Variants in GPC5 observed in about 807,000 individuals in gnomAD.
The protein encoded by GPC5 is glypican-5.
In GPC5, 47 loss-of-function variants were observed where a neutral mutation model predicts 53.9. That is an observed-to-expected ratio of 0.87 (90% confidence interval 0.69 to 1.11). GPC5 has a LOEUF of 1.11. Among genes scored for constraint, GPC5 ranks in the 50% most tolerant of loss-of-function variants. GPC5 has a pLI of 0.00. For synonymous variants in GPC5, 286 were observed against 263.3 expected (o/e 1.09, Z -0.84); for missense variants, 748 against 713.1 (o/e 1.05, Z -0.56).
intron 7 of GPC5, among the ~76,000 whole-genome samples, chr13:92,646,512 A>C (rs980249742): frequency 1.3e-5 from 2 of 152,146 alleles, no homozygotes; most frequent in African/African-American, 4.8e-5. Context: ...TTGCATTTTC[A>C]TATAAGTTTT....
At chr13:91,689,695 C>A (rs1281023945) in intron 2 of GPC5, among the ~76,000 whole-genome samples, 1 of 151,766 alleles carries the variant, frequency 6.6e-6, no homozygotes, top group Non-Finnish European at 1.5e-5. Context: ...TAGGCCTACA[C>A]AGGGTCAGGA....
intron 7 of GPC5, among the ~76,000 whole-genome samples, chr13:92,845,566 T>C (rs1878585457): frequency 6.6e-6 from 1 of 152,170 alleles, no homozygotes; most frequent in Admixed American, 6.5e-5. Flanking sequence ...CCTACACTAG[T>C]GAGTGCAATC....
chr13:92,115,809 C>G (rs977512207), intron 6 of GPC5, among the ~76,000 whole-genome samples: 1 of 152,078 alleles, frequency 6.6e-6, no homozygotes, highest in South Asian at 2.1e-4. Context: ...GGTGCACCCC[C>G]CACCCCCACC....
In GPC5 at chr13:91,851,840, TTA is replaced by T. The variant is rs1366618843; in HGVS notation, c.1281-56095_1281-56094del. 5.6e-5 allele frequency among the ~76,000 whole-genome samples: 8 copies of T among 141,790 alleles called. 2 individuals are homozygous for T. The highest frequency in any genetic ancestry group is 2.2e-4 in the African/African-American group (8 of 36,720). The allele number at this position is 141,790 out of a possible 152,430, so 93.0% of individuals were successfully genotyped here. A position where few individuals can be genotyped will look rare whatever the true frequency, so the allele number is the denominator to read the frequency against. ...ACAAAGGACATGAAGTCATCCTTTT[TTA>T]TGTCTGCATAGTATTCCATGGTGTA... On this transcript the variant is annotated intron_variant, in intron 5 of 7. Transcript: ENST00000377067.
At chr13:92,736,956 G>A (rs1227415659) in intron 7 of GPC5, among the ~76,000 whole-genome samples, 2 of 151,916 alleles carry the variant, frequency 1.3e-5, no homozygotes, top group Admixed American at 1.3e-4. Flanking sequence ...CTCTTGTTAA[G>A]CTACTGGATT....
chr13:92,347,874 A>ATATATATT (rs1484519798), intron 7 of GPC5, among the ~76,000 whole-genome samples: 1 of 6,646 alleles, frequency 1.5e-4, no homozygotes, highest in African/African-American at 9.2e-4. Context: ...TTATATATAT[A>ATATATATT]ATATATATTA....
At chr13:91,949,210 A>G (rs1468701676) in intron 6 of GPC5, among the ~76,000 whole-genome samples, 2 of 152,214 alleles carry the variant, frequency 1.3e-5, no homozygotes, top group African/African-American at 4.8e-5. Flanking sequence ...TTTAAGGTAA[A>G]AACGAAGGAC....
intron 7 of GPC5, among the ~76,000 whole-genome samples, chr13:92,597,261 G>A (rs945100816): frequency 1.4e-5 from 2 of 147,776 alleles, no homozygotes; most frequent in Non-Finnish European, 2.9e-5. Flanking sequence ...ATAATGCCAG[G>A]ATTTTTTTTT....
intron 2 of GPC5, among the ~76,000 whole-genome samples, chr13:91,494,356 A>T (rs559696926): frequency 0.022 from 2,882 of 132,402 alleles, 86 homozygotes; most frequent in African/African-American, 0.09. Context: ...ATTTTTATTA[A>T]TTATTATTAT....
chr13:92,236,906 T>A (rs1475354723), intron 7 of GPC5, among the ~76,000 whole-genome samples: 2 of 152,102 alleles, frequency 1.3e-5, no homozygotes, highest in Non-Finnish European at 2.9e-5. Context: ...CTTTCTCAAA[T>A]CATTGACCTT....
chr13:92,588,332 G>T (rs762654486), intron 7 of GPC5, among the ~76,000 whole-genome samples: 17 of 152,132 alleles, frequency 1.1e-4, no homozygotes, highest in Admixed American at 1.1e-3. Flanking sequence ...TCATTGATGG[G>T]ATACCCAAAG....
At chr13:92,379,423 A>T (rs1190824783) in intron 7 of GPC5, among the ~76,000 whole-genome samples, 1 of 152,202 alleles carries the variant, frequency 6.6e-6, no homozygotes, top group Non-Finnish European at 1.5e-5. Flanking sequence ...AGGAGGGATT[A>T]GAGAAAAGAG....
chr13:91,522,070 G>A (rs1048677036), intron 2 of GPC5, among the ~76,000 whole-genome samples: 1 of 152,260 alleles, frequency 6.6e-6, no homozygotes, highest in African/African-American at 2.4e-5. Flanking sequence ...CTCCCCAGGA[G>A]TGCCACCATC....
chr13:91,641,214 G>C (rs2034420942), intron 2 of GPC5, among the ~76,000 whole-genome samples: 1 of 152,156 alleles, frequency 6.6e-6, no homozygotes, highest in Non-Finnish European at 1.5e-5. Context: ...TGTAGTCCCA[G>C]CTACTCGGGA....
chr13:92,363,171 G>A (rs545285356), intron 7 of GPC5, among the ~76,000 whole-genome samples: 1 of 151,628 alleles, frequency 6.6e-6, no homozygotes, highest in Non-Finnish European at 1.5e-5. Flanking sequence ...CTGGGTGTTG[G>A]GGGGACACTT....
chr13:92,495,036 G>A (rs9523685), intron 7 of GPC5, among the ~76,000 whole-genome samples: 19,635 of 152,116 alleles, frequency 0.13, 1,337 homozygotes, highest in African/African-American at 0.15. Flanking sequence ...AGTCCACTTA[G>A]TTCTTGTTTG....
intron 6 of GPC5, among the ~76,000 whole-genome samples, chr13:92,047,231 A>AT (rs879860701): frequency 1.9e-4 from 29 of 151,998 alleles, no homozygotes; most frequent in South Asian, 1.2e-3. Flanking sequence ...ATCCCTGATC[A>AT]TTTTTTTTAT....
At chr13:92,380,548 T>C (rs1175980490) in intron 7 of GPC5, among the ~76,000 whole-genome samples, 1 of 152,012 alleles carries the variant, frequency 6.6e-6, no homozygotes, top group African/African-American at 2.4e-5. Context: ...TGTCCAACAA[T>C]GATAGACTGG....
intron 5 of GPC5, among the ~76,000 whole-genome samples, chr13:91,802,195 G>A (rs1594577663): frequency 1.3e-5 from 2 of 152,226 alleles, no homozygotes; most frequent in South Asian, 2.1e-4. Context: ...CAAAGATGGT[G>A]TGTCCAGAGT....
Sources: allele counts gnomAD v4.1 joint callset (sites outside exome capture counted in the v4.1 genomes callset), GRCh38; gene constraint gnomAD v4.1.1; transcripts MANE v1.5; gene names NCBI Gene and HGNC (gene_info 2026-07-23, HGNC 2026-07-21).